Variants in TSPAN4 observed in about 807,000 individuals in gnomAD.
TSPAN4 encodes tetraspanin 4, also known as tetraspanin-4.
In TSPAN4, 38 loss-of-function variants were observed where a neutral mutation model predicts 31.5. That is an observed-to-expected ratio of 1.21 (90% CI 0.93 to 1.58). The LOEUF (loss-of-function observed/expected upper bound fraction) is 1.58, where lower values mean the gene tolerates loss of function less well. TSPAN4 is among the 40% of genes most tolerant of loss of function. The pLI is 0.00. For synonymous variants in TSPAN4, 186 were observed against 144.6 expected (o/e 1.29, Z -2.06); for missense variants, 330 against 317.3 (o/e 1.04, Z -0.30).
rs774996010 is a variant in TSPAN4, at chr11:866,621, C to T, written c.708C>T (p.Tyr236=). 1.2e-5 allele frequency: 19 copies of T among 1,612,788 alleles called. 1 individual carries two copies. The South Asian group carries it at 2.0e-4, about 17-fold the overall frequency. Residue 236 remains tyrosine (Y), a synonymous_variant, in exon 9 of 9, where the codon TAC becomes TAT. Transcript: ENST00000397397. ...GCCAAGTGGTCAAGGCAGACACCTA[C>T]TGCGCGTAGGCCGCCCACCGCCCGC... ...MYCQVVKADT[Y]CA
chr11:864,501 A>G lies in TSPAN4; in HGVS notation c.320A>G (p.Tyr107Cys), dbSNP rs1233664842. 7 of 1,612,470 alleles carry G rather than the reference A, an allele frequency of 4.3e-6. No homozygotes were observed. In the African/African-American group the frequency reaches 9.3e-5, roughly 22 times the overall value. The stretch of plus-strand genomic sequence containing the variant: ...ACCATCGCCATCCTCTTCTTCGCCT[A>G]CACGGACAAGGTACGGCTGCCTTGG... The part of the protein sequence containing the change: ...EATIAILFFA[Y>C]TDKIDRYAQQ... Residue 107 changes from tyrosine to cysteine, a missense_variant, in exon 5 of 9, where the codon TAC becomes TGC. Tyr to Cys is a radical substitution (Grantham distance 194). Transcript: ENST00000397397.
At chr11:854,355 G>A (rs543665171) in intron 3 of TSPAN4, among the ~76,000 whole-genome samples, 11 of 152,308 alleles carry the variant, frequency 7.2e-5, no homozygotes, top group East Asian at 5.8e-4. Flanking sequence ...CTGCCAGTGC[G>A]GGACGCCGGG....
rs1847465006 is a variant in TSPAN4, at chr11:848,855, C to G, written c.-17-1433C>G. On this transcript the variant is annotated intron_variant, in intron 2 of 8. Coordinates refer to ENST00000397397, the MANE Select transcript of TSPAN4 (RefSeq NM_003271.5). The surrounding 1 kb of genome is among the most constrained non-coding windows in gnomAD (Gnocchi z 5.7). ...AGGGCACAGCTGGGGGCCTCTGTCC[C>G]CATCTCCGGCTGTGGGAGGTGTGTG... The G allele has an allele frequency of 2.9e-6, 2 of 692,184 alleles. No individual in the cohort carries two copies. Among genetic ancestry groups the G allele is most frequent in the Non-Finnish European group, 5.4e-6 (2 of 372,746 alleles). 42.9% of individuals were successfully genotyped at this position (692,184 alleles called of 1,614,324 possible). A position where few individuals can be genotyped will look rare whatever the true frequency, so the allele number is the denominator to read the frequency against.
intron 3 of TSPAN4, among the ~76,000 whole-genome samples, chr11:852,348 T>C (rs1847800779): frequency 6.6e-6 from 1 of 152,176 alleles, no homozygotes; most frequent in Non-Finnish European, 1.5e-5. Flanking sequence ...GGTCTCGAAC[T>C]CCTGACCTCG....
Position 866,546 on chromosome 11 carries a change from C to A in TSPAN4, c.649-16C>A. The A allele has an allele frequency of 6.2e-7, 1 of 1,611,938 alleles. No individual in the cohort carries two copies. Among genetic ancestry groups the A allele is most frequent in the South Asian group, 1.1e-5 (1 of 90,862 alleles). On this transcript the variant is annotated splice_polypyrimidine_tract_variant and intron_variant, in intron 8 of 8. Coordinates refer to ENST00000397397, the MANE Select transcript of TSPAN4 (RefSeq NM_003271.5). Reference sequence around the variant, plus strand: ...CTGTGGAGCTGCCATGCCCAGTCCTCCTCCCCTACCTACAGATCCTGGGCC... The same window carrying A: ...CTGTGGAGCTGCCATGCCCAGTCCTACTCCCCTACCTACAGATCCTGGGCC...
intron 3 of TSPAN4, chr11:862,349 G>A (rs1013870343): frequency 2.1e-5 from 12 of 562,422 alleles, no homozygotes; most frequent in Admixed American, 3.4e-5. Flanking sequence ...GGGATGGGGT[G>A]CCAGCCCAGG....
At position 850,351 on chromosome 11, in the gene TSPAN4, T is replaced by C; in HGVS notation, c.47T>C (p.Phe16Ser). The C allele has an allele frequency of 6.2e-7, 1 of 1,605,046 alleles. No homozygotes were observed. The part of the protein sequence containing the change: ...LQAVKYLMFA[F>S]NLLFWLGGCG... The stretch of plus-strand genomic sequence containing the variant: ...GCCGTCAAGTACCTCATGTTCGCCT[T>C]CAACCTGCTCTTCTGGGTGAGTCCG... The change falls in exon 3 of 9, where the codon TTC becomes TCC. Residue 16 changes from phenylalanine to serine, a missense_variant. Phe to Ser is a radical substitution (Grantham distance 155). Coordinates refer to ENST00000397397, the MANE Select transcript of TSPAN4 (RefSeq NM_003271.5).
chr11:860,540 G>C (rs921784566), intron 3 of TSPAN4, among the ~76,000 whole-genome samples: 3 of 152,184 alleles, frequency 2.0e-5, no homozygotes, highest in African/African-American at 7.2e-5. Context: ...TGGGCCCTCC[G>C]TGGGCCCTGC....
At chr11:853,210 C>T (rs1030502157) in intron 3 of TSPAN4, among the ~76,000 whole-genome samples, 2 of 152,124 alleles carry the variant, frequency 1.3e-5, no homozygotes, top group African/African-American at 2.4e-5. Context: ...CTGGCTGCCC[C>T]TTAGCTTTGC....
chr11:864,927 C>T (rs990746391), intron 5 of TSPAN4: 16 of 109,836 alleles, frequency 1.5e-4, no homozygotes, highest in East Asian at 6.8e-4. Context: ...GGTTGCACTC[C>T]GAGCTAGAAC....
chr11:845,548 C>G (rs778412875), intron 1 of TSPAN4, among the ~76,000 whole-genome samples: 58 of 152,156 alleles, frequency 3.8e-4, no homozygotes, highest in Non-Finnish European at 6.8e-4. Flanking sequence ...TGATGTGCCC[C>G]CCCAGACTGT....
rs563431765 is a variant in TSPAN4, at chr11:849,632, G to A, written c.-17-656G>A. Among the ~76,000 whole-genome samples, 9 of 151,912 alleles carry A rather than the reference G, an allele frequency of 5.9e-5. No homozygotes were observed. The East Asian group carries it at 1.2e-3, about 20-fold the overall frequency. ...GCATCTTCCTCCCGCGCGCGAAGGTGGGGGGGCTGGGGCGCCGGCGCGGGC... is the reference window on the plus strand; with the variant it reads ...GCATCTTCCTCCCGCGCGCGAAGGTAGGGGGGCTGGGGCGCCGGCGCGGGC... On this transcript the variant is annotated intron_variant, in intron 2 of 8. Transcript: ENST00000397397.
intron 7 of TSPAN4, 27 bp downstream of exon 7, chr11:865,852 T>C: frequency 6.2e-7 from 1 of 1,612,218 alleles, no homozygotes; most frequent in East Asian, 2.2e-5. Context: ...CCCTGGGGGC[T>C]GGTAGGGGCC....
At position 865,981 on chromosome 11, in the gene TSPAN4, C is replaced by T. The variant is rs1234356210; in HGVS notation, c.628C>T (p.Leu210=). 6.8e-6 allele frequency: 11 copies of T among 1,612,268 alleles called. No homozygotes were observed. Among genetic ancestry groups the T allele is most frequent in the Non-Finnish European group, 8.5e-6 (10 of 1,179,984 alleles). ...ENLLAVGIFG[L]CTALVQILGL... ...CCTGCTGGCTGTGGGCATCTTTGGG[C>T]TGTGCACGGCGCTGGTGCAGGTATG... The change falls in exon 8 of 9, where the codon CTG becomes TTG. Residue 210 remains leucine (L), a synonymous_variant. Transcript: ENST00000397397.
chr11:852,440 C>T (rs904209189), intron 3 of TSPAN4, among the ~76,000 whole-genome samples: 5 of 152,232 alleles, frequency 3.3e-5, no homozygotes, highest in African/African-American at 4.8e-5. Flanking sequence ...ACCACCTTCC[C>T]GCCAGTCCAG....
At chr11:852,448 C>T (rs1025691122) in intron 3 of TSPAN4, among the ~76,000 whole-genome samples, 31 of 152,354 alleles carry the variant, frequency 2.0e-4, no homozygotes, top group Middle Eastern at 6.8e-3. Flanking sequence ...CCCGCCAGTC[C>T]AGCAAACTGG....
intron 3 of TSPAN4, among the ~76,000 whole-genome samples, chr11:853,355 G>A (rs959158366): frequency 1.3e-5 from 2 of 152,168 alleles, no homozygotes; most frequent in Admixed American, 6.5e-5. Context: ...AGGTCTCTTT[G>A]GGTCCAGGCC....
At chr11:860,130 T>C (rs1220331835) in intron 3 of TSPAN4, among the ~76,000 whole-genome samples, 3 of 152,226 alleles carry the variant, frequency 2.0e-5, no homozygotes, top group African/African-American at 7.2e-5. Context: ...TTTTGAACTT[T>C]AAGCGGAGAT....
chr11:858,536 TCA>T (rs1848193011), intron 3 of TSPAN4: 1 of 148,068 alleles, frequency 6.8e-6, no homozygotes, highest in Admixed American at 7.2e-5. Context: ...CCGCTGACAC[TCA>T]CCCCGGTTCC....
Sources: allele counts gnomAD v4.1 joint callset (sites outside exome capture counted in the v4.1 genomes callset), GRCh38; gene constraint gnomAD v4.1.1; non-coding constraint Gnocchi (gnomAD v3.1); transcripts MANE v1.5; gene names NCBI Gene and HGNC (gene_info 2026-07-23, HGNC 2026-07-21).